NEO1: variants seen among roughly 807,000 people sequenced by gnomAD.
NEO1 encodes the protein neogenin.
In NEO1, 63 loss-of-function variants were observed where a neutral mutation model predicts 159.7. That is an observed-to-expected ratio of 0.39 (90% confidence interval 0.32 to 0.49). NEO1 has a LOEUF of 0.49. NEO1 is among the 20% of genes least tolerant of loss of function. The probability of loss-of-function intolerance (pLI) is 0.85; values close to 1 mark genes in which losing one functional copy is unlikely to be tolerated. For synonymous variants in NEO1, 633 were observed against 662.0 expected (o/e 0.96, Z 0.67); for missense variants, 1,615 against 1,831.0 (o/e 0.88, Z 2.15).
chr15:73,202,194 C>T (rs534373033), intron 7 of NEO1, among the ~76,000 whole-genome samples: 9 of 151,908 alleles, frequency 5.9e-5, no homozygotes, highest in Admixed American at 3.3e-4. Flanking sequence ...AACTCCTGAC[C>T]TCAGGTGATC....
chr15:73,111,142 C>G (rs1341374014), intron 1 of NEO1, among the ~76,000 whole-genome samples: 1 of 152,190 alleles, frequency 6.6e-6, no homozygotes, highest in Non-Finnish European at 1.5e-5. Flanking sequence ...AGGGAGAAAA[C>G]AATGTTAACT....
chr15:73,260,656 A>G (rs1350203077), intron 15 of NEO1, among the ~76,000 whole-genome samples, 191 bp downstream of exon 15: 2 of 152,128 alleles, frequency 1.3e-5, no homozygotes, highest in African/African-American at 2.4e-5. Flanking sequence ...ATGCCCCTCA[A>G]TTTAGACTTG....
At chr15:73,094,437 A>T (rs1240609013) in intron 1 of NEO1, among the ~76,000 whole-genome samples, 1 of 152,294 alleles carries the variant, frequency 6.6e-6, no homozygotes, top group African/African-American at 2.4e-5. Flanking sequence ...CATTGTCTGG[A>T]TATAATACAT....
chr15:73,288,785 G>T (rs2042048783), intron 24 of NEO1, among the ~76,000 whole-genome samples: 1 of 152,064 alleles, frequency 6.6e-6, no homozygotes. Context: ...CTCTCATCAG[G>T]CTTCAGCAGC....
Position 73,302,766 on chromosome 15 carries a change from A to G in NEO1, c.*70A>G. 7.1e-7 allele frequency: 1 copy of G among 1,401,878 alleles called. No individual in the cohort carries two copies. The highest frequency in any genetic ancestry group is 1.0e-6 in the Non-Finnish European group (1 of 998,328). 86.8% of individuals were successfully genotyped at this position (1,401,878 alleles called of 1,614,324 possible). ...TGGAACTTACCCTTGAAAACAAGGA[A>G]TTGTACAGAGTACGAGAGGACAGCA... On this transcript the variant is annotated 3_prime_UTR_variant, in exon 29 of 29. Transcript: ENST00000261908.
intron 1 of NEO1, among the ~76,000 whole-genome samples, chr15:73,053,408 T>G (rs1415599288): frequency 1.3e-5 from 2 of 152,188 alleles, no homozygotes; most frequent in Admixed American, 1.3e-4. Context: ...TGAGGACGCC[T>G]TGGAGAGCGG....
intron 26 of NEO1, among the ~76,000 whole-genome samples, chr15:73,293,889 T>A (rs542890671): frequency 5.9e-5 from 9 of 152,330 alleles, no homozygotes; most frequent in Non-Finnish European, 1.2e-4. Flanking sequence ...TCCTGGGTGA[T>A]TTCAGACACT....
At chr15:73,239,207 A>G (rs1017104884) in intron 8 of NEO1, among the ~76,000 whole-genome samples, 2 of 152,170 alleles carry the variant, frequency 1.3e-5, no homozygotes, top group African/African-American at 4.8e-5. Context: ...CCAGTGTTCA[A>G]TGAGTTGACA....
chr15:73,297,486 G>T (rs961938821), intron 26 of NEO1, among the ~76,000 whole-genome samples: 2 of 152,194 alleles, frequency 1.3e-5, no homozygotes, highest in African/African-American at 4.8e-5. Context: ...AAAGAATTAT[G>T]TGTTATTCTC....
At chr15:73,194,557 A>G (rs2036425775) in intron 7 of NEO1, among the ~76,000 whole-genome samples, 1 of 152,154 alleles carries the variant, frequency 6.6e-6, no homozygotes, top group Non-Finnish European at 1.5e-5. Flanking sequence ...GTTCTCAAGG[A>G]AACTAACCGA....
chr15:73,295,585 C>T (rs1302303878), intron 26 of NEO1, among the ~76,000 whole-genome samples: 2 of 151,952 alleles, frequency 1.3e-5, no homozygotes, highest in Non-Finnish European at 2.9e-5. Flanking sequence ...GAATAATTTG[C>T]ATTACTGAGA....
intron 1 of NEO1, among the ~76,000 whole-genome samples, chr15:73,109,124 C>T (rs549297731): frequency 1.2e-4 from 18 of 152,158 alleles, no homozygotes; most frequent in Admixed American, 7.2e-4. Context: ...TCAAAATATG[C>T]GTAGAAGTAC....
At position 73,135,960 on chromosome 15, in the gene NEO1, G is replaced by T; in HGVS notation, c.948G>T (p.Gly316=). ...GTGATGTTACTGAGGATGATGCTGG[G>T]ACTTATTTTTGTATAGCTGATAATG... ...EISDVTEDDA[G]TYFCIADNGN... Residue 316 remains glycine (G), a synonymous_variant, in exon 5 of 29, where the codon GGG becomes GGT. Coordinates refer to ENST00000261908, the MANE Select transcript of NEO1 (RefSeq NM_002499.4). The T allele has an allele frequency of 6.2e-7, 1 of 1,610,592 alleles. No individual in the cohort carries two copies.
chr15:73,168,389 G>A (rs1361833456), intron 5 of NEO1, among the ~76,000 whole-genome samples: 2 of 107,198 alleles, frequency 1.9e-5, no homozygotes, highest in Admixed American at 1.1e-4. Context: ...TGGGGGGGGG[G>A]GGTCTCACCA....
At chr15:73,158,661 A>G (rs12592237) in intron 5 of NEO1, among the ~76,000 whole-genome samples, 4,153 of 152,242 alleles carry the variant, frequency 0.027, 82 homozygotes, top group East Asian at 0.062. Context: ...AAATTCTGGG[A>G]TTACAGTCAT....
At chr15:73,144,403 T>C (rs1018779504) in intron 5 of NEO1, among the ~76,000 whole-genome samples, 3 of 152,232 alleles carry the variant, frequency 2.0e-5, no homozygotes, top group Non-Finnish European at 4.4e-5. Context: ...ACACATTTAT[T>C]ACTGTCATGA....
At chr15:73,259,470 T>C (rs11072408) in intron 14 of NEO1, among the ~76,000 whole-genome samples, 43,481 of 150,538 alleles carry the variant, frequency 0.29, 7,327 homozygotes, top group East Asian at 0.57. Flanking sequence ...AGCACGATCC[T>C]CCCACCTCAG....
Position 73,289,187 on chromosome 15 carries a change from C to T in NEO1, c.3691C>T (p.Arg1231Ter), listed in dbSNP as rs902285781. The T allele has an allele frequency of 6.2e-7, 1 of 1,613,944 alleles. No individual in the cohort carries two copies. The highest frequency in any genetic ancestry group is 1.3e-5 in the African/African-American group (1 of 74,890). ...CAGCATGTCTACACTGGCTGGAAGG[C>T]GAGGAATGAGACCAAAAATGATGAT... is the stretch of plus-strand genomic sequence containing the variant. ...EDSMSTLAGR[R>*]GMRPKMMMPF... Residue 1231 changes from arginine (R) to a stop codon, truncating the protein, a stop_gained, in exon 25 of 29, where the codon CGA becomes TGA. Transcript: ENST00000261908. LOFTEE classifies it high-confidence loss of function.
rs562327454 is a variant in NEO1 at position 73,185,837 on chromosome 15, A to G, written c.1291+7410A>G. Among the ~76,000 whole-genome samples the G allele has an allele frequency of 3.3e-5, 5 of 152,296 alleles. No homozygotes were observed. The East Asian group carries it at 7.7e-4, about 23-fold the overall frequency. ...ATGGGACAATATCAGAGGCTATAAC[A>G]TAAGTAAATTATAAGTAAATGGGAG... On this transcript the variant is annotated intron_variant, in intron 7 of 28. Coordinates refer to ENST00000261908, the MANE Select transcript of NEO1 (RefSeq NM_002499.4).
Sources: gnomAD v4.1 joint callset for allele counts (sites outside exome capture counted in the v4.1 genomes callset) on GRCh38, gnomAD v4.1.1 for gene constraint, MANE v1.5 for transcripts, NCBI Gene and HGNC (gene_info 2026-07-23, HGNC 2026-07-21) for gene names.